The following SRBD1 variants were observed in gnomAD, a reference collection of about 807,000 sequenced individuals.
The protein encoded by SRBD1 is S1 RNA binding domain 1.
Under a neutral mutation model 115.3 loss-of-function variants are expected in SRBD1, and 88 were observed. The observed-to-expected ratio is 0.76, with a 90% CI of 0.64 to 0.91. The LOEUF (loss-of-function observed/expected upper bound fraction) is 0.91, where lower values mean the gene tolerates loss of function less well. SRBD1 is among the 40% of genes least tolerant of loss of function. The pLI, the probability that SRBD1 is intolerant of heterozygous loss-of-function variation, is 0.00. For missense variants in SRBD1, 1,385 were observed against 1,177.4 expected (o/e 1.18, Z -2.58); for synonymous variants, 509 against 407.7 (o/e 1.25, Z -2.99).
At chr2:45,437,889 T>C (rs868762622) in intron 16 of SRBD1, among the ~76,000 whole-genome samples, 18 of 152,194 alleles carry the variant, frequency 1.2e-4, no homozygotes, top group Admixed American at 4.6e-4. Context: ...GCACAATTCA[T>C]AATAGAAATA....
intron 14 of SRBD1, among the ~76,000 whole-genome samples, chr2:45,534,866 T>TC (rs932933984): frequency 5.3e-5 from 8 of 151,870 alleles, no homozygotes; most frequent in African/African-American, 1.9e-4. Flanking sequence ...AAGAAAAAGG[T>TC]CCAGGTGGTT....
rs1415341456 is a variant in SRBD1 at position 45,388,728 on chromosome 2, G to T, written c.*582C>A. On this transcript the variant is annotated 3_prime_UTR_variant, in exon 21 of 21. Coordinates refer to ENST00000263736, the MANE Select transcript of SRBD1 (RefSeq NM_018079.5). ...TTGGGGTCAATACGTATATCCTTTT[G>T]AGAAGTGTTTCGAGCCATTCATTTG... is the stretch of plus-strand genomic sequence containing the variant. 1 of 152,522 alleles carries T rather than the reference G, an allele frequency of 6.6e-6. No homozygotes were observed. The allele number at this position is 152,522 out of a possible 1,614,324, so 9.4% of individuals were successfully genotyped here. A position where few individuals can be genotyped will look rare whatever the true frequency, so the allele number is the denominator to read the frequency against.
intron 9 of SRBD1, chr2:45,569,616 A>T (rs1672948280): frequency 6.6e-6 from 1 of 152,188 alleles, no homozygotes. Flanking sequence ...TTTTAAAATT[A>T]TTTATTGAGA....
At chr2:45,535,925 C>A (rs1336550678) in intron 14 of SRBD1, among the ~76,000 whole-genome samples, 1 of 152,000 alleles carries the variant, frequency 6.6e-6, no homozygotes, top group Non-Finnish European at 1.5e-5. Flanking sequence ...AAATTTTGGT[C>A]TTCCAGAACT....
chr2:45,566,922 A>C (rs933124726), intron 9 of SRBD1, among the ~76,000 whole-genome samples: 2 of 152,134 alleles, frequency 1.3e-5, no homozygotes, highest in Non-Finnish European at 2.9e-5. Flanking sequence ...AATTACTCTT[A>C]ATGAATGGGA....
intron 4 of SRBD1, among the ~76,000 whole-genome samples, chr2:45,590,742 T>C (rs1673695239): frequency 6.6e-6 from 1 of 152,002 alleles, no homozygotes; most frequent in Non-Finnish European, 1.5e-5. Context: ...CCTGGCCAGG[T>C]GCGGTGGCTC....
At chr2:45,397,271 G>C (rs1456088738) in intron 19 of SRBD1, among the ~76,000 whole-genome samples, 1 of 151,994 alleles carries the variant, frequency 6.6e-6, no homozygotes, top group African/African-American at 2.4e-5. Context: ...GTAGTAATTT[G>C]TTACTCTAAA....
At chr2:45,506,600 T>A (rs114501065) in intron 14 of SRBD1, among the ~76,000 whole-genome samples, 1 of 152,190 alleles carries the variant, frequency 6.6e-6, no homozygotes, top group Non-Finnish European at 1.5e-5. Flanking sequence ...CTATATTATC[T>A]TGCCTTGTCA....
intron 7 of SRBD1, among the ~76,000 whole-genome samples, chr2:45,579,579 A>C (rs1199558730): frequency 6.6e-6 from 1 of 152,116 alleles, no homozygotes; most frequent in East Asian, 1.9e-4. Flanking sequence ...ACAAGTTACA[A>C]ACTGGGAAAA....
intron 16 of SRBD1, among the ~76,000 whole-genome samples, chr2:45,474,078 T>C (rs1669732368): frequency 6.6e-6 from 1 of 152,252 alleles, no homozygotes; most frequent in South Asian, 2.1e-4. Context: ...TTAATCCTGA[T>C]AATTACATTC....
chr2:45,603,408 C>G (rs1232921919), intron 2 of SRBD1, among the ~76,000 whole-genome samples: 1 of 152,172 alleles, frequency 6.6e-6, no homozygotes, highest in African/African-American at 2.4e-5. Flanking sequence ...TCTCTTTAGC[C>G]CCTTTGACTC....
chr2:45,471,644 T>A (rs773190434), intron 16 of SRBD1, among the ~76,000 whole-genome samples: 15 of 152,158 alleles, frequency 9.9e-5, no homozygotes, highest in Non-Finnish European at 1.6e-4. Context: ...AATGTTCACC[T>A]CACTGTATCC....
intron 19 of SRBD1, among the ~76,000 whole-genome samples, chr2:45,395,789 T>C (rs902088364): frequency 1.3e-5 from 2 of 152,202 alleles, no homozygotes; most frequent in East Asian, 3.8e-4. Context: ...CTGTACATGA[T>C]AGGAAACAAT....
At chr2:45,545,776 T>TC (rs1485301901) in intron 14 of SRBD1, among the ~76,000 whole-genome samples, 1 of 152,256 alleles carries the variant, frequency 6.6e-6, no homozygotes, top group African/African-American at 2.4e-5. Flanking sequence ...CTTCTCTTAC[T>TC]CCCCTTGTTA....
rs773498484 is a variant in SRBD1, at chr2:45,531,011, C to G, written c.1874+15721G>C. 1.4e-4 allele frequency among the ~76,000 whole-genome samples: 21 copies of G among 148,754 alleles called. 1 individual carries two copies. Among genetic ancestry groups the G allele is most frequent in the Non-Finnish European group, 2.6e-4 (17 of 66,008 alleles). ...CTTTCTTCATCACAGAATCAATTGTCAAATAATTTGCGTATACTGCTCCCT... is the reference window on the plus strand; with the variant it reads ...CTTTCTTCATCACAGAATCAATTGTGAAATAATTTGCGTATACTGCTCCCT... On this transcript the variant is annotated intron_variant, in intron 14 of 20. Transcript: ENST00000263736.
chr2:45,524,790 C>T (rs1048451062), intron 14 of SRBD1, among the ~76,000 whole-genome samples: 1 of 151,982 alleles, frequency 6.6e-6, no homozygotes, highest in Non-Finnish European at 1.5e-5. Context: ...AATTGACAAG[C>T]TGATTCTAAA....
At chr2:45,485,324 T>G (rs552607816) in intron 15 of SRBD1, among the ~76,000 whole-genome samples, 3 of 152,354 alleles carry the variant, frequency 2.0e-5, no homozygotes, top group African/African-American at 7.2e-5. Context: ...ACTAGGTGAC[T>G]TATTGCTCAT....
In SRBD1 at chr2:45,528,915, C is replaced by T. The variant is rs531619325; in HGVS notation, c.1874+17817G>A. Among the ~76,000 whole-genome samples, 11 of 151,972 alleles carry T rather than the reference C, an allele frequency of 7.2e-5. No individual in the cohort carries two copies. In the East Asian group the frequency reaches 1.5e-3, roughly 21 times the overall value. On this transcript the variant is annotated intron_variant, in intron 14 of 20. Transcript: ENST00000263736. ...GCTTAGAAGAGGCTGCTGGGTTAAA[C>T]ATAAAATGGTCAGTGGATATGCTTT...
chr2:45,521,069 A>G (rs539095328), intron 14 of SRBD1, among the ~76,000 whole-genome samples: 4 of 152,220 alleles, frequency 2.6e-5, no homozygotes, highest in Admixed American at 2.6e-4. Flanking sequence ...GTCTGTCCGC[A>G]TGCTCCCCCT....
Sources: allele counts gnomAD v4.1 joint callset (sites outside exome capture counted in the v4.1 genomes callset), GRCh38; gene constraint gnomAD v4.1.1; transcripts MANE v1.5; gene names NCBI Gene and HGNC (gene_info 2026-07-23, HGNC 2026-07-21).